PFKFB2: variants seen among roughly 807,000 people sequenced by gnomAD.
PFKFB2 encodes 6-phosphofructo-2-kinase/fructose-2,6-biphosphatase 2.
Under a neutral mutation model 68.0 loss-of-function variants are expected in PFKFB2, and 53 were observed. The ratio of observed to expected loss-of-function variants is 0.78; its 90% CI spans 0.63 to 0.98. The LOEUF (loss-of-function observed/expected upper bound fraction) is 0.98, where lower values mean the gene tolerates loss of function less well. Ranked by LOEUF, PFKFB2 falls within the 50% of genes least tolerant of loss-of-function variation. The pLI is 0.00. For synonymous variants in PFKFB2, 222 were observed against 227.6 expected (o/e 0.98, Z 0.22); for missense variants, 451 against 642.0 (o/e 0.70, Z 3.22).
chr1:207,062,509 T>G, intron 3 of PFKFB2, 111 bp from the exon 4 acceptor site: 1 of 1,510,498 alleles, frequency 6.6e-7, no homozygotes. Flanking sequence ...CCTACCATGC[T>G]GCCGCTTTTT....
At chr1:207,067,451 C>T (rs1333279493) in intron 8 of PFKFB2, 48 bp from the exon 9 acceptor site, 1 of 1,343,060 alleles carries the variant, frequency 7.4e-7, no homozygotes. Flanking sequence ...GATTCTTATT[C>T]TCAGATCTTC....
At chr1:207,064,076 G>A (rs182317232) in intron 7 of PFKFB2, among the ~76,000 whole-genome samples, 8 of 152,312 alleles carry the variant, frequency 5.3e-5, no homozygotes, top group Non-Finnish European at 1.0e-4. Flanking sequence ...ATTAGCTGTT[G>A]AATTGAAACC....
At chr1:207,039,986 G>C (rs1387605895) in intron 1 of PFKFB2, among the ~76,000 whole-genome samples, 2 of 152,190 alleles carry the variant, frequency 1.3e-5, no homozygotes, top group Non-Finnish European at 2.9e-5. Flanking sequence ...TCAGAGTTCA[G>C]GGTCCACCAA....
At chr1:207,071,394 C>A in intron 13 of PFKFB2, 115 bp from the exon 14 acceptor site, 1 of 1,033,280 alleles carries the variant, frequency 9.7e-7, no homozygotes, top group Non-Finnish European at 1.5e-6. Flanking sequence ...GGGATGTATG[C>A]ATGACTGTGT....
chr1:207,066,660 T>G (rs1433451625), intron 8 of PFKFB2, among the ~76,000 whole-genome samples: 1 of 152,002 alleles, frequency 6.6e-6, no homozygotes, highest in East Asian at 1.9e-4. Flanking sequence ...ACTTATGACT[T>G]TTTTTTTGAG....
rs746048111 is a variant in PFKFB2, at chr1:207,077,771, C to T, written c.*5400C>T. ...TGTATTTGAAATGTGTTTTTGTGTG[C>T]GTGTGTGTAGAATGGGTAAATAAAA... is the stretch of plus-strand genomic sequence containing the variant. On this transcript the variant is annotated 3_prime_UTR_variant, in exon 15 of 15. Coordinates refer to ENST00000367080, the MANE Select transcript of PFKFB2 (RefSeq NM_006212.2). 6.1e-6 allele frequency: 6 copies of T among 985,568 alleles called. No individual in the cohort carries two copies. In the African/African-American group the frequency reaches 8.7e-5, roughly 14 times the overall value. The allele number at this position is 985,568 out of a possible 1,614,324, so 61.1% of individuals were successfully genotyped here.
chr1:207,077,638 G>T lies in PFKFB2; in HGVS notation c.*5267G>T. 1.0e-6 allele frequency: 1 copy of T among 985,734 alleles called. No homozygotes were observed. Among genetic ancestry groups the T allele is most frequent in the Non-Finnish European group, 1.2e-6 (1 of 829,844 alleles). The allele number at this position is 985,734 out of a possible 1,614,324, so 61.1% of individuals were successfully genotyped here. On this transcript the variant is annotated 3_prime_UTR_variant, in exon 15 of 15. Transcript: ENST00000367080. ...GAGAGTTCTACTGTAGATTTCCTAGGCACTGCTCTGTTGAAATAGGAACAT... is the reference window on the plus strand; with the variant it reads ...GAGAGTTCTACTGTAGATTTCCTAGTCACTGCTCTGTTGAAATAGGAACAT...
intron 7 of PFKFB2, 70 bp from the exon 8 acceptor site, chr1:207,064,966 G>A (rs1683239741): frequency 6.6e-7 from 1 of 1,524,776 alleles, no homozygotes; most frequent in Admixed American, 2.1e-5. Flanking sequence ...TTTTTTAGCA[G>A]TGGCTATTTG....
chr1:207,047,293 G>C (rs1290226716), intron 2 of PFKFB2: 1 of 152,468 alleles, frequency 6.6e-6, no homozygotes, highest in Non-Finnish European at 1.5e-5. Flanking sequence ...GCACACAAAA[G>C]GTACTCAAGA....
upstream of PFKFB2, chr1:207,051,103 G>A (rs1682740269): frequency 7.0e-7 from 1 of 1,434,484 alleles, no homozygotes; most frequent in African/African-American, 1.4e-5. Flanking sequence ...CTTAGCAAGC[G>A]CGAACTCTTT....
rs1050346219 is a variant in PFKFB2 at position 207,072,783 on chromosome 1, A to G, written c.*412A>G. 2 of 1,000,046 alleles carry G rather than the reference A, an allele frequency of 2.0e-6. No individual in the cohort carries two copies. The highest frequency in any genetic ancestry group is 1.2e-6 in the Non-Finnish European group (1 of 839,726). 61.9% of individuals were successfully genotyped at this position (1,000,046 alleles called of 1,614,324 possible). The stretch of plus-strand genomic sequence containing the variant: ...AGGGCGGGTGAGCAGTCGGGGGACA[A>G]AAAGTCTATTTTTCCTTCACTTTTG... On this transcript the variant is annotated 3_prime_UTR_variant, in exon 15 of 15. Transcript: ENST00000367080.
intron 1 of PFKFB2, among the ~76,000 whole-genome samples, chr1:207,053,586 T>G (rs1682819564): frequency 6.6e-6 from 1 of 152,166 alleles, no homozygotes; most frequent in Admixed American, 6.5e-5. Flanking sequence ...TCTTCCGTCC[T>G]CACCAGCCCC....
chr1:207,037,815 G>C (rs1682405306), intron 1 of PFKFB2, among the ~76,000 whole-genome samples: 1 of 152,142 alleles, frequency 6.6e-6, no homozygotes, highest in South Asian at 2.1e-4. Context: ...GTTTGTCCTT[G>C]AGGCAGTTTA....
chr1:207,069,630 C>G, intron 11 of PFKFB2, 102 bp downstream of exon 11: 1 of 721,222 alleles, frequency 1.4e-6, no homozygotes, highest in South Asian at 1.8e-5. Flanking sequence ...GTCTAGGCAT[C>G]ATTTATCTTC....
chr1:207,046,396 A>G (rs1682602030), intron 2 of PFKFB2: 1 of 152,084 alleles, frequency 6.6e-6, no homozygotes, highest in Non-Finnish European at 1.5e-5. Context: ...AAACAAACAA[A>G]CAAAAAGCAA....
rs766354163 is a variant in PFKFB2 at position 207,043,019 on chromosome 1, CT to C, written c.-18+823del. Among the ~76,000 whole-genome samples, 864 of 142,130 alleles carry C rather than the reference CT, an allele frequency of 6.1e-3. 1 individual carries two copies. Among genetic ancestry groups the C allele is most frequent in the East Asian group, 9.8e-3 (48 of 4,906 alleles). 93.2% of individuals were successfully genotyped at this position (142,130 alleles called of 152,430 possible). Reference sequence around the variant, plus strand: ...CATGGTGATAGCCACGATTCCCAAACTTTTTTTTTTTTTTTTAAATCATGCA... The same window carrying C: ...CATGGTGATAGCCACGATTCCCAAACTTTTTTTTTTTTTTTAAATCATGCA... On this transcript the variant is annotated intron_variant, in intron 2 of 5. Coordinates refer to the PFKFB2 transcript ENST00000545806.
At position 207,074,639 on chromosome 1, in the gene PFKFB2, G is replaced by C; in HGVS notation, c.*2268G>C. The C allele has an allele frequency of 1.0e-6, 1 of 985,358 alleles. No individual in the cohort carries two copies. The highest frequency in any genetic ancestry group is 1.2e-6 in the Non-Finnish European group (1 of 829,902). The allele number at this position is 985,358 out of a possible 1,614,324, so 61.0% of individuals were successfully genotyped here. ...AGATGTTAAGTAACCTGCTATTCCTGTTTAGTGGTTACATAACATGTACTT... is the reference window on the plus strand; with the variant it reads ...AGATGTTAAGTAACCTGCTATTCCTCTTTAGTGGTTACATAACATGTACTT... On this transcript the variant is annotated 3_prime_UTR_variant, in exon 15 of 15. Coordinates refer to ENST00000367080, the MANE Select transcript of PFKFB2 (RefSeq NM_006212.2).
In PFKFB2 at chr1:207,054,701, A is replaced by G; in HGVS notation, c.-17A>G. Reference sequence around the variant, plus strand: ...TTTACATTCTACTTCTCTGTTTCAGACATCTGAAGAGCTGCCATGTCTGGG... The same window carrying G: ...TTTACATTCTACTTCTCTGTTTCAGGCATCTGAAGAGCTGCCATGTCTGGG... On this transcript the variant is annotated splice_region_variant and 5_prime_UTR_variant, in exon 2 of 15. Transcript: ENST00000367080. 1 of 1,597,770 alleles carries G rather than the reference A, an allele frequency of 6.3e-7. No individual in the cohort carries two copies. Among genetic ancestry groups the G allele is most frequent in the Non-Finnish European group, 8.6e-7 (1 of 1,166,738 alleles).
chr1:207,061,604 C>G (rs564007765), intron 2 of PFKFB2, among the ~76,000 whole-genome samples: 1 of 152,128 alleles, frequency 6.6e-6, no homozygotes, highest in Non-Finnish European at 1.5e-5. Context: ...TAGACCCCAG[C>G]GGGGCTGGGC....
Sources: allele counts gnomAD v4.1 joint callset (sites outside exome capture counted in the v4.1 genomes callset), GRCh38; gene constraint gnomAD v4.1.1; transcripts MANE v1.5; gene names NCBI Gene and HGNC (gene_info 2026-07-23, HGNC 2026-07-21).